Variants in ABCA13 observed in about 807,000 individuals in gnomAD.
ABCA13 encodes ATP-binding cassette sub-family A member 13.
Under a neutral mutation model 478.7 loss-of-function variants are expected in ABCA13, and 476 were observed. The ratio of observed to expected loss-of-function variants is 0.99; its 90% CI spans 0.92 to 1.07. The LOEUF is 1.07. ABCA13 is among the 50% of genes least tolerant of loss of function. The pLI is 0.00. For synonymous variants in ABCA13, 2,252 were observed against 2,158.9 expected, an observed-to-expected ratio of 1.04 and a Z score of -1.20; for missense variants, 6,060 against 5,910.6, an observed-to-expected ratio of 1.03 and a Z score of -0.83.
chr7:48,389,614 T>TG (rs1212169272), intron 37 of ABCA13, among the ~76,000 whole-genome samples: 13 of 152,244 alleles, frequency 8.5e-5, no homozygotes, highest in Non-Finnish European at 1.3e-4. Context: ...ACAGTGGTAC[T>TG]TGCAAATTTT....
At chr7:48,263,977 C>T (rs1027447607) in intron 15 of ABCA13, among the ~76,000 whole-genome samples, 1 of 151,836 alleles carries the variant, frequency 6.6e-6, no homozygotes, top group African/African-American at 2.4e-5. Context: ...ACCAGGCTAC[C>T]ATTGCTCTGC....
At chr7:48,569,516 T>G (rs1288653709) in intron 55 of ABCA13, among the ~76,000 whole-genome samples, 1 of 152,158 alleles carries the variant, frequency 6.6e-6, no homozygotes, top group African/African-American at 2.4e-5. Flanking sequence ...CTGAGTTTTT[T>G]TGTTTGCTTG....
At chr7:48,496,618 G>C (rs1830301045) in intron 48 of ABCA13, among the ~76,000 whole-genome samples, 2 of 151,924 alleles carry the variant, frequency 1.3e-5, no homozygotes, top group South Asian at 4.1e-4. Flanking sequence ...TTCTTTAAGA[G>C]TAGGTTTGCT....
Position 48,608,699 on chromosome 7 carries a change from T to C in ABCA13, c.14745-6586T>C, listed in dbSNP as rs533758858. Among the ~76,000 whole-genome samples, 210 of 152,358 alleles carry C rather than the reference T, an allele frequency of 1.4e-3. 2 individuals carry two copies. Among genetic ancestry groups the C allele is most frequent in the African/African-American group, 4.8e-3 (200 of 41,592 alleles). On this transcript the variant is annotated intron_variant, in intron 58 of 61. Coordinates refer to ENST00000435803, the MANE Select transcript of ABCA13 (RefSeq NM_152701.5). ...TCTGCCCTTCCTGCCAGTAGTTGCA[T>C]GTTTTCGAAACTAGGGAGAGTGGGG...
chr7:48,315,637 G>A (rs1802476882), intron 26 of ABCA13, among the ~76,000 whole-genome samples: 1 of 151,878 alleles, frequency 6.6e-6, no homozygotes. Context: ...CTGCCACCAC[G>A]CCGGCTATTT....
intron 43 of ABCA13, among the ~76,000 whole-genome samples, chr7:48,458,978 G>A (rs1398192275): frequency 1.3e-5 from 2 of 152,172 alleles, no homozygotes; most frequent in African/African-American, 2.4e-5. Flanking sequence ...TTGGTTTGGG[G>A]TCTGGTCAGC....
chr7:48,274,674 C>G lies in ABCA13; in HGVS notation c.5008C>G (p.Leu1670Val). 1 of 1,613,938 alleles carries G rather than the reference C, an allele frequency of 6.2e-7. No individual in the cohort carries two copies. Among genetic ancestry groups the G allele is most frequent in the Non-Finnish European group, 8.5e-7 (1 of 1,179,854 alleles). Residue 1670 changes from leucine to valine, a missense_variant, in exon 17 of 62, where the codon CTT becomes GTT. By Grantham distance (32) the Leu-to-Val change is conservative. Coordinates refer to ENST00000435803, the MANE Select transcript of ABCA13 (RefSeq NM_152701.5). ...LKKVTSVMRT[L>V]KKADIDLLVD... is the part of the protein sequence containing the mutation. The stretch of plus-strand genomic sequence containing the variant: ...GAAGGTAACTTCTGTCATGCGTACC[C>G]TTAAGAAGGCAGACATAGACCTTTT...
chr7:48,569,732 G>C (rs926829683), intron 55 of ABCA13, among the ~76,000 whole-genome samples: 2 of 151,976 alleles, frequency 1.3e-5, no homozygotes, highest in African/African-American at 4.8e-5. Flanking sequence ...ATCATATCGG[G>C]CAGGCTGGTC....
intron 55 of ABCA13, among the ~76,000 whole-genome samples, chr7:48,548,549 T>A (rs569935400): frequency 1.2e-5 from 1 of 82,438 alleles, no homozygotes; most frequent in Admixed American, 1.3e-4. Flanking sequence ...ATGTAACACA[T>A]TTTTTTTTTT....
chr7:48,198,415 C>G, intron 3 of ABCA13, 55 bp downstream of exon 3: 1 of 1,589,390 alleles, frequency 6.3e-7, no homozygotes, highest in Admixed American at 1.8e-5. Flanking sequence ...ATACATAGAA[C>G]AGGCTTCTGC....
intron 47 of ABCA13, among the ~76,000 whole-genome samples, chr7:48,487,885 T>C (rs1829488194): frequency 6.6e-6 from 1 of 152,252 alleles, no homozygotes; most frequent in African/African-American, 2.4e-5. Flanking sequence ...ATATATGACA[T>C]AAACTCCTTC....
chr7:48,395,513 G>A (rs1321810261), intron 38 of ABCA13, among the ~76,000 whole-genome samples: 1 of 152,154 alleles, frequency 6.6e-6, no homozygotes, highest in African/African-American at 2.4e-5. Context: ...TTCAATACAA[G>A]TAACACCCAG....
At chr7:48,178,985 T>C (rs867643050) in intron 1 of ABCA13, among the ~76,000 whole-genome samples, 24,023 of 143,630 alleles carry the variant, frequency 0.17, 2,253 homozygotes, top group African/African-American at 0.19. Context: ...CTAATAATAA[T>C]AATAATAATA....
At chr7:48,484,637 TCTC>T (rs778500287) in intron 47 of ABCA13, among the ~76,000 whole-genome samples, 8 of 152,192 alleles carry the variant, frequency 5.3e-5, no homozygotes, top group African/African-American at 9.7e-5. Flanking sequence ...ATTTGTGTGT[TCTC>T]CTCACATCTC....
Position 48,412,512 on chromosome 7 carries a change from C to T in ABCA13, c.12388C>T (p.Gln4130Ter). ...TDKACLKGLFQALDENLHQLH... is the reference protein window; with the variant it reads ...TDKACLKGLF ...CAAGGCCTGCTTGAAAGGGCTCTTCCAGGCCCTGGATGAGAACCTGCATCA... is the reference window on the plus strand; with the variant it reads ...CAAGGCCTGCTTGAAAGGGCTCTTCTAGGCCCTGGATGAGAACCTGCATCA... The change falls in exon 41 of 62, where the codon CAG (glutamine) becomes TAG (stop). Residue 4130 changes from glutamine to a stop codon, truncating the protein, a stop_gained. Transcript: ENST00000435803. LOFTEE classifies it high-confidence loss of function. The T allele has an allele frequency of 6.2e-7, 1 of 1,613,460 alleles. No individual in the cohort carries two copies. The highest frequency in any genetic ancestry group is 8.5e-7 in the Non-Finnish European group (1 of 1,179,796).
rs1323605422 is a variant in ABCA13 at position 48,192,976 on chromosome 7, A to G, written c.87A>G (p.Glu29=). 1.3e-6 allele frequency: 2 copies of G among 1,523,044 alleles called. No homozygotes were observed. The highest frequency in any genetic ancestry group is 2.0e-5 in the Admixed American group (1 of 48,890). 94.3% of individuals were successfully genotyped at this position (1,523,044 alleles called of 1,614,324 possible). Residue 29 remains glutamate, a synonymous_variant, in exon 2 of 62, where the codon GAA becomes GAG. Transcript: ENST00000435803. ...TTTTCTAGGTCCTTTTCCTTGCTGA[A>G]TTCTTCTGGCCTTGTATCCTGTTTG... The part of the protein sequence containing the change: ...RLRNPVLFLA[E]FFWPCILFVI...
At chr7:48,580,436 C>T in intron 56 of ABCA13, 62 bp downstream of exon 56, 1 of 1,532,454 alleles carries the variant, frequency 6.5e-7, no homozygotes, top group East Asian at 2.4e-5. Context: ...GTGACCACCT[C>T]TGGCTCCAAG....
chr7:48,568,690 A>G (rs1787317508), intron 55 of ABCA13, among the ~76,000 whole-genome samples: 1 of 151,976 alleles, frequency 6.6e-6, no homozygotes, highest in South Asian at 2.1e-4. Context: ...GTATTAATCC[A>G]TTTTTAAATA....
At chr7:48,175,743 A>G (rs1471883808) in intron 1 of ABCA13, among the ~76,000 whole-genome samples, 2 of 152,158 alleles carry the variant, frequency 1.3e-5, no homozygotes, top group Non-Finnish European at 1.5e-5. Context: ...CATTGTTATT[A>G]TATAGTCATC....
Sources: allele counts gnomAD v4.1 joint callset (sites outside exome capture counted in the v4.1 genomes callset), GRCh38; gene constraint gnomAD v4.1.1; transcripts MANE v1.5; gene names NCBI Gene and HGNC (gene_info 2026-07-23, HGNC 2026-07-21).